The following IL1RAPL1 variants were observed in gnomAD, a reference collection of about 807,000 sequenced individuals.
IL1RAPL1 encodes the protein interleukin-1 receptor accessory protein-like 1.
IL1RAPL1 carries 3 observed loss-of-function variants against 48.4 expected under a neutral mutation model. The ratio of observed to expected loss-of-function variants is 0.06; its 90% CI spans 0.03 to 0.16. The LOEUF is 0.16. IL1RAPL1 is among the 10% of genes least tolerant of loss of function. The pLI is 1.00. For missense variants in IL1RAPL1, 349 were observed against 530.6 expected (o/e 0.66, Z 3.36); for synonymous variants, 185 against 187.7 (o/e 0.99, Z 0.12).
intron 5 of IL1RAPL1, among the ~76,000 whole-genome samples, chrX:29,416,894 ACT>A (rs970169354): frequency 2.7e-5 from 3 of 110,851 alleles, no homozygotes; most frequent in Non-Finnish European, 5.7e-5. Context: ...GGTCACTGAG[ACT>A]CTAGTAATTT....
At chrX:29,702,418 G>A (rs1377810480) in intron 6 of IL1RAPL1, among the ~76,000 whole-genome samples, 3 of 111,418 alleles carry the variant, frequency 2.7e-5, no homozygotes, top group African/African-American at 9.8e-5. Context: ...GTACCCAGCA[G>A]TGAAAGATTT....
intron 2 of IL1RAPL1, among the ~76,000 whole-genome samples, chrX:29,076,852 T>C (rs997424425): frequency 1.8e-4 from 16 of 90,793 alleles, no homozygotes; most frequent in Non-Finnish European, 3.1e-4. Context: ...AAGTGATAGA[T>C]TAAGTATATG....
At chrX:29,237,951 C>T (rs1171330718) in intron 2 of IL1RAPL1, among the ~76,000 whole-genome samples, 1 of 112,466 alleles carries the variant, frequency 8.9e-6, no homozygotes, top group Non-Finnish European at 1.9e-5. Flanking sequence ...AATCAATTAT[C>T]TGCGTGTTGG....
chrX:28,789,573 G>A, intron 2 of IL1RAPL1, 148 bp downstream of exon 2: 3 of 484,112 alleles, frequency 6.2e-6, no homozygotes, highest in Non-Finnish European at 1.1e-5. Flanking sequence ...AATAGGTGGA[G>A]CACACTCATA....
chrX:28,878,616 C>G (rs1601942138), intron 2 of IL1RAPL1, among the ~76,000 whole-genome samples: 1 of 111,688 alleles, frequency 9.0e-6, no homozygotes, highest in South Asian at 3.8e-4. Context: ...TTTGGAGGGT[C>G]TGTGTCTGGC....
chrX:29,834,650 A>T (rs1016524096), intron 6 of IL1RAPL1, among the ~76,000 whole-genome samples: 2 of 110,693 alleles, frequency 1.8e-5, no homozygotes, highest in Non-Finnish European at 3.8e-5. Context: ...CAATAAATAG[A>T]ACATCAAATA....
intron 6 of IL1RAPL1, among the ~76,000 whole-genome samples, chrX:29,701,772 G>A (rs750494730): frequency 9.0e-6 from 1 of 111,399 alleles, no homozygotes; most frequent in East Asian, 2.8e-4. Context: ...GTGTACTGAT[G>A]CCTCATTTAT....
chrX:29,220,689 T>C (rs1318671758), intron 2 of IL1RAPL1, among the ~76,000 whole-genome samples: 1 of 112,099 alleles, frequency 8.9e-6, no homozygotes, highest in Non-Finnish European at 1.9e-5. Context: ...ATACAACAAA[T>C]ACATAGATCT....
At chrX:29,751,958 A>C (rs1288235302) in intron 6 of IL1RAPL1, among the ~76,000 whole-genome samples, 1 of 103,664 alleles carries the variant, frequency 9.6e-6, no homozygotes, top group Non-Finnish European at 2.0e-5. Context: ...AAATGTAACT[A>C]CCTATATCTA....
At chrX:29,543,488 C>G (rs906357050) in intron 5 of IL1RAPL1, among the ~76,000 whole-genome samples, 1 of 110,185 alleles carries the variant, frequency 9.1e-6, no homozygotes, top group Non-Finnish European at 1.9e-5. Context: ...TCTCCCTGTG[C>G]GAACACAATA....
intron 3 of IL1RAPL1, among the ~76,000 whole-genome samples, chrX:29,303,821 CTTTG>C (rs768669617): frequency 4.5e-5 from 5 of 112,091 alleles, no homozygotes; most frequent in East Asian, 5.6e-4. Context: ...TAGTGAGCAT[CTTTG>C]TTTGTTAATA....
At chrX:29,807,558 T>G (rs1272507695) in intron 6 of IL1RAPL1, among the ~76,000 whole-genome samples, 2 of 89,698 alleles carry the variant, frequency 2.2e-5, no homozygotes, top group Admixed American at 3.2e-4. Flanking sequence ...GAGGTTGCAA[T>G]GAGCCAAGAT....
In IL1RAPL1 at chrX:29,645,817, G is replaced by A. The variant is rs182054977; in HGVS notation, c.704-22613G>A. Among the ~76,000 whole-genome samples the A allele has an allele frequency of 2.2e-3, 245 of 112,027 alleles. 1 individual carries two copies. Among genetic ancestry groups the A allele is most frequent in the African/African-American group, 7.4e-3 (229 of 30,840 alleles). On this transcript the variant is annotated intron_variant, in intron 5 of 10. Coordinates refer to ENST00000378993, the MANE Select transcript of IL1RAPL1 (RefSeq NM_014271.4). The stretch of plus-strand genomic sequence containing the variant: ...TAGCCCTATGCCAAGCTCAGCAGCC[G>A]CAAATCCAATCTTAGTACAGCATAA...
At chrX:28,769,714 C>T (rs960549270) in intron 1 of IL1RAPL1, among the ~76,000 whole-genome samples, 1 of 111,046 alleles carries the variant, frequency 9.0e-6, no homozygotes, top group South Asian at 3.8e-4. Context: ...ATTCTGGGGA[C>T]GCTTCCCAGT....
At chrX:29,482,375 A>C (rs1234704538) in intron 5 of IL1RAPL1, among the ~76,000 whole-genome samples, 1 of 112,029 alleles carries the variant, frequency 8.9e-6, no homozygotes, top group Non-Finnish European at 1.9e-5. Flanking sequence ...TATCTTATAC[A>C]TATGGGTATG....
At chrX:29,055,063 A>G (rs1927181295) in intron 2 of IL1RAPL1, among the ~76,000 whole-genome samples, 2 of 111,973 alleles carry the variant, frequency 1.8e-5, no homozygotes, top group South Asian at 7.4e-4. Context: ...TAGCCTTTCA[A>G]AATGTTTTCC....
chrX:29,560,637 CTTT>C (rs1922161227), intron 5 of IL1RAPL1, among the ~76,000 whole-genome samples: 1 of 111,816 alleles, frequency 8.9e-6, no homozygotes, highest in Non-Finnish European at 1.9e-5. Context: ...TTTTCTTCTG[CTTT>C]ATCACGTCTG....
At chrX:29,354,742 A>G (rs1179622210) in intron 3 of IL1RAPL1, among the ~76,000 whole-genome samples, 1 of 112,554 alleles carries the variant, frequency 8.9e-6, no homozygotes, top group Admixed American at 9.4e-5. Context: ...TCATAAGTCC[A>G]GGATTATTTG....
chrX:29,666,108 A>G (rs1401211666), intron 5 of IL1RAPL1, among the ~76,000 whole-genome samples: 1 of 110,884 alleles, frequency 9.0e-6, no homozygotes, highest in African/African-American at 3.3e-5. Context: ...AGTTATTAAT[A>G]TTTTTTATTA....
Sources: gnomAD v4.1 joint callset for allele counts (sites outside exome capture counted in the v4.1 genomes callset) on GRCh38, gnomAD v4.1.1 for gene constraint, MANE v1.5 for transcripts, NCBI Gene and HGNC (gene_info 2026-07-23, HGNC 2026-07-21) for gene names.